ENTR1: variants seen among roughly 807,000 people sequenced by gnomAD.
The protein encoded by ENTR1 is endosome associated trafficking regulator 1.
Under a neutral mutation model 47.9 loss-of-function variants are expected in ENTR1, and 47 were observed. That is an observed-to-expected ratio of 0.98 (90% CI 0.78 to 1.25). The LOEUF (loss-of-function observed/expected upper bound fraction) is 1.25. ENTR1 is among the 50% of genes most tolerant of loss of function. The pLI is 0.00. For missense variants in ENTR1, 668 were observed against 570.5 expected, an observed-to-expected ratio of 1.17 and a Z score of -1.74; for synonymous variants, 290 against 245.8, an observed-to-expected ratio of 1.18 and a Z score of -1.68.
rs975359852 is a variant in ENTR1 at position 136,410,599 on chromosome 9, C to T, written c.-202G>A. Reference sequence around the variant, plus strand: ...AAGCGCGTGCCTGAACGCCTTGGGCCGTCGGCGAGGGGGAGGGGAAGCCGT... The same window carrying T: ...AAGCGCGTGCCTGAACGCCTTGGGCTGTCGGCGAGGGGGAGGGGAAGCCGT... On this transcript the variant is annotated 5_prime_UTR_variant, in exon 1 of 10. Transcript: ENST00000357365. The T allele has an allele frequency of 3.1e-5, 40 of 1,272,412 alleles. No homozygotes were observed. The Middle Eastern group carries it at 6.1e-4, about 19-fold the overall frequency. 78.8% of individuals were successfully genotyped at this position (1,272,412 alleles called of 1,614,324 possible). A position where few individuals can be genotyped will look rare whatever the true frequency, so the allele number is the denominator to read the frequency against.
At chr9:136,405,050 T>C (rs756932425) in intron 7 of ENTR1, 41 bp downstream of exon 7, 232 of 1,523,812 alleles carry the variant, frequency 1.5e-4, no homozygotes, top group Middle Eastern at 2.2e-4. Context: ...GGAGCGCTCC[T>C]GCCCCACCCA....
At chr9:136,405,583 G>T (rs1334842964) in intron 6 of ENTR1, among the ~76,000 whole-genome samples, 1 of 152,116 alleles carries the variant, frequency 6.6e-6, no homozygotes, top group Non-Finnish European at 1.5e-5. Context: ...ACAAAAATAA[G>T]ATTTAAAAAT....
At position 136,404,983 on chromosome 9, in the gene ENTR1, T is replaced by C. The variant is rs1834693434; in HGVS notation, c.1005+108A>G. On this transcript the variant is annotated intron_variant, in intron 7 of 9. Coordinates refer to ENST00000357365, the MANE Select transcript of ENTR1 (RefSeq NM_001039707.2). ...AGAACACCAGTCCCAGAGAGCCACATGGCCCCGCTCCCAAGGGCAGGCTGC... is the reference window on the plus strand; with the variant it reads ...AGAACACCAGTCCCAGAGAGCCACACGGCCCCGCTCCCAAGGGCAGGCTGC... The C allele has an allele frequency of 8.0e-6, 7 of 873,518 alleles. No individual in the cohort carries two copies. The South Asian group carries it at 8.5e-5, about 11-fold the overall frequency. The allele number at this position is 873,518 out of a possible 1,614,324, so 54.1% of individuals were successfully genotyped here. A position where few individuals can be genotyped will look rare whatever the true frequency, so the allele number is the denominator to read the frequency against.
intron 9 of ENTR1, among the ~76,000 whole-genome samples, chr9:136,403,343 T>C (rs11145900): frequency 0.17 from 8,552 of 50,520 alleles, 517 homozygotes; most frequent in African/African-American, 0.26. Flanking sequence ...GGGACAGGGT[T>C]CCAGGGAGCA....
chr9:136,406,364 G>A (rs1048386681), intron 5 of ENTR1, among the ~76,000 whole-genome samples: 2 of 152,040 alleles, frequency 1.3e-5, no homozygotes, highest in African/African-American at 2.4e-5. Flanking sequence ...AACTACTCGG[G>A]TGGCTGAAGC....
Position 136,410,406 on chromosome 9 carries a change from G to A in ENTR1, c.-9C>T, listed in dbSNP as rs184545490. 3.6e-3 allele frequency: 4,924 copies of A among 1,358,874 alleles called. 9 individuals carry two copies. Among genetic ancestry groups the A allele is most frequent in the Middle Eastern group, 4.3e-3 (16 of 3,710 alleles). The allele number at this position is 1,358,874 out of a possible 1,614,324, so 84.2% of individuals were successfully genotyped here. A position where few individuals can be genotyped will look rare whatever the true frequency, so the allele number is the denominator to read the frequency against. On this transcript the variant is annotated 5_prime_UTR_variant, in exon 1 of 10. Coordinates refer to ENST00000357365, the MANE Select transcript of ENTR1 (RefSeq NM_001039707.2). The stretch of plus-strand genomic sequence containing the variant: ...CGCTGGTAGCCCGACATCGCCGCCG[G>A]CCCGGCGGGGCACGACCTGCCTAGC...
chr9:136,407,700 G>C (rs1834848448), intron 4 of ENTR1, 126 bp downstream of exon 4: 7 of 1,376,838 alleles, frequency 5.1e-6, no homozygotes, highest in Admixed American at 4.3e-5. Flanking sequence ...TCTGAGCCCA[G>C]AGCTGCTCCC....
chr9:136,408,913 G>A (rs943299220), intron 3 of ENTR1, 86 bp downstream of exon 3: 8 of 860,114 alleles, frequency 9.3e-6, no homozygotes, highest in Non-Finnish European at 1.4e-5. Flanking sequence ...ACACCACATA[G>A]CCAGTCACAT....
chr9:136,406,901 C>T, intron 5 of ENTR1: 2 of 497,306 alleles, frequency 4.0e-6, no homozygotes, highest in East Asian at 6.5e-5. Flanking sequence ...GAGGGTACAG[C>T]CCTGTAAGTG....
In ENTR1 at chr9:136,407,463, C is replaced by T. The variant is rs373058594; in HGVS notation, c.501G>A (p.Pro167=). ...LEYQQPFFED[P]TGAGDLLDEE... is the part of the protein sequence containing the mutation. ...CATCCAGGAGGTCACCAGCCCCTGT[C>T]GGATCCTCGAAAAATGGCTGCTGAT... The change falls in exon 5 of 10, where the codon CCG becomes CCA. Residue 167 remains proline, a synonymous_variant. Coordinates refer to ENST00000357365, the MANE Select transcript of ENTR1 (RefSeq NM_001039707.2). 2.1e-5 allele frequency: 34 copies of T among 1,610,094 alleles called. No individual in the cohort carries two copies. Among genetic ancestry groups the T allele is most frequent in the Middle Eastern group, 2.1e-4 (1 of 4,722 alleles).
At position 136,402,658 on chromosome 9, in the gene ENTR1, T is replaced by C. The variant is rs1834539669; in HGVS notation, c.*130A>G. 2 of 652,688 alleles carry C rather than the reference T, an allele frequency of 3.1e-6. No individual in the cohort carries two copies. Among genetic ancestry groups the C allele is most frequent in the South Asian group, 3.7e-5 (2 of 53,524 alleles). The allele number at this position is 652,688 out of a possible 1,614,324, so 40.4% of individuals were successfully genotyped here. On this transcript the variant is annotated 3_prime_UTR_variant, in exon 10 of 10. Coordinates refer to ENST00000357365, the MANE Select transcript of ENTR1 (RefSeq NM_001039707.2). ...CAAGAACTGGCTGAGGGCACGACAC[T>C]GGACTCTTGCGATCAACACTTTACT...
intron 2 of ENTR1, 85 bp downstream of exon 2, chr9:136,410,005 A>G (rs950855184): frequency 4.6e-6 from 7 of 1,518,070 alleles, no homozygotes; most frequent in Non-Finnish European, 6.4e-6. Context: ...TGATGGGTCA[A>G]TGGACGAGCT....
At chr9:136,409,180 G>A (rs1459022656) in intron 2 of ENTR1, 113 bp from the exon 3 acceptor site, 11 of 796,596 alleles carry the variant, frequency 1.4e-5, no homozygotes, top group African/African-American at 3.5e-5. Flanking sequence ...ACAGTCTAGA[G>A]AACTTTTTTT....
At chr9:136,404,485 G>A (rs1834664272) in intron 8 of ENTR1, 146 bp downstream of exon 8, 11 of 910,622 alleles carry the variant, frequency 1.2e-5, no homozygotes, top group Non-Finnish European at 1.8e-5. Flanking sequence ...CGCCCTGACA[G>A]GAAGCGGCTG....
At chr9:136,404,721 A>G (rs774455166) in intron 7 of ENTR1, 28 bp from the exon 8 acceptor site, 22 of 1,612,190 alleles carry the variant, frequency 1.4e-5, no homozygotes, top group Non-Finnish European at 1.7e-5. Context: ...AAAACCACAA[A>G]AAGCATCACT....
rs376511303 is a variant in ENTR1 at position 136,409,097 on chromosome 9, T to C, written c.221-30A>G. 1.2e-5 allele frequency: 20 copies of C among 1,606,684 alleles called. No individual in the cohort carries two copies. The African/African-American group carries it at 2.1e-4, about 17-fold the overall frequency. Reference sequence around the variant, plus strand: ...AAAGAAACAATGTCACCCACCATGCTGGCAGGAAGTCTTTATGACCTCACA... The same window carrying C: ...AAAGAAACAATGTCACCCACCATGCCGGCAGGAAGTCTTTATGACCTCACA... On this transcript the variant is annotated intron_variant, in intron 2 of 9. Coordinates refer to ENST00000357365, the MANE Select transcript of ENTR1 (RefSeq NM_001039707.2).
chr9:136,407,521 G>T lies in ENTR1; in HGVS notation c.443C>A (p.Pro148Gln). Reference sequence around the variant, plus strand: ...GCCATACCCGCCGGTTTGGGAGGGTGGGGAGTTGTGGTCAAGTCCCAGGGA... The same window carrying T: ...GCCATACCCGCCGGTTTGGGAGGGTTGGGAGTTGTGGTCAAGTCCCAGGGA... ...RHSLGLDHNSPPSQTGGYGLE... is the reference protein window; with the variant it reads ...RHSLGLDHNSQPSQTGGYGLE... The change falls in exon 5 of 10, where the codon CCA (proline) becomes CAA (glutamine). Residue 148 changes from proline (P) to glutamine (Q), a missense_variant. By Grantham distance (76) the Pro-to-Gln change is moderately conservative. Coordinates refer to ENST00000357365, the MANE Select transcript of ENTR1 (RefSeq NM_001039707.2). 2 of 1,610,716 alleles carry T rather than the reference G, an allele frequency of 1.2e-6. No individual in the cohort carries two copies. Among genetic ancestry groups the T allele is most frequent in the Non-Finnish European group, 1.7e-6 (2 of 1,179,528 alleles).
At chr9:136,408,055 G>T in intron 3 of ENTR1, 117 bp from the exon 4 acceptor site, 1 of 671,366 alleles carries the variant, frequency 1.5e-6, no homozygotes, top group Non-Finnish European at 2.7e-6. Flanking sequence ...AGCCACGCTT[G>T]TCATTCTACC....
chr9:136,410,055 G>A, intron 2 of ENTR1, 35 bp downstream of exon 2: 1 of 1,611,706 alleles, frequency 6.2e-7, no homozygotes, highest in South Asian at 1.1e-5. Context: ...GCGGGAACTG[G>A]AAGCGTCCCC....
Sources: gnomAD v4.1 joint callset for allele counts (sites outside exome capture counted in the v4.1 genomes callset) on GRCh38, gnomAD v4.1.1 for gene constraint, MANE v1.5 for transcripts, NCBI Gene and HGNC (gene_info 2026-07-23, HGNC 2026-07-21) for gene names.